The following ANKS1B variants were observed in gnomAD, a reference collection of about 807,000 sequenced individuals.
ANKS1B encodes ankyrin repeat and sterile alpha motif domain containing 1B.
A neutral mutation model predicts 148.3 loss-of-function variants in ANKS1B; 36 were observed. The ratio of observed to expected loss-of-function variants is 0.24; its 90% CI spans 0.19 to 0.32. The LOEUF (loss-of-function observed/expected upper bound fraction) is 0.32, where lower values mean the gene tolerates loss of function less well. ANKS1B is among the 10% of genes least tolerant of loss of function. The pLI is 1.00. For missense variants in ANKS1B, 1,157 were observed against 1,542.6 expected, an observed-to-expected ratio of 0.75 and a Z score of 4.19; for synonymous variants, 542 against 560.8, an observed-to-expected ratio of 0.97 and a Z score of 0.47.
intron 17 of ANKS1B, among the ~76,000 whole-genome samples, chr12:99,047,476 G>A (rs1482656058): frequency 6.6e-6 from 1 of 152,130 alleles, no homozygotes; most frequent in Non-Finnish European, 1.5e-5. Context: ...TCATATTTAA[G>A]AAGCTCAAAA....
chr12:98,985,587 C>A (rs902824164), intron 17 of ANKS1B, among the ~76,000 whole-genome samples: 12 of 151,272 alleles, frequency 7.9e-5, no homozygotes, highest in African/African-American at 2.7e-4. Flanking sequence ...CAAATAACAC[C>A]CTACTTCAAA....
rs113681372 is a variant in ANKS1B, at chr12:98,761,681, T to C, written c.3580-10159A>G. ...CAATCCGTTATGGAATGAGGCATGG[T>C]AGAAACACTGTCCATTTGTTCACTT... On this transcript the variant is annotated intron_variant, in intron 25 of 26. Transcript: ENST00000683438. Among the ~76,000 whole-genome samples, 570 of 152,362 alleles carry C rather than the reference T, an allele frequency of 3.7e-3. 2 individuals carry two copies. Among genetic ancestry groups the C allele is most frequent in the African/African-American group, 0.013 (548 of 41,582 alleles).
chr12:98,981,775 C>T (rs906384110), intron 17 of ANKS1B, among the ~76,000 whole-genome samples: 1 of 152,164 alleles, frequency 6.6e-6, no homozygotes, highest in African/African-American at 2.4e-5. Context: ...AATGATTAAT[C>T]ATAATTATCA....
downstream of ANKS1B, among the ~76,000 whole-genome samples, chr12:98,743,342 A>T (rs1194137947): frequency 6.7e-6 from 1 of 149,268 alleles, no homozygotes; most frequent in African/African-American, 2.4e-5. Context: ...AGGGTTCGTT[A>T]ACTCAGATTT....
At chr12:99,818,859 T>C (rs747403291) in intron 2 of ANKS1B, among the ~76,000 whole-genome samples, 3 of 151,846 alleles carry the variant, frequency 2.0e-5, no homozygotes, top group Non-Finnish European at 4.4e-5. Context: ...AAGATATAAA[T>C]ACACATCTGA....
At chr12:99,530,098 A>C (rs1868568992) in intron 9 of ANKS1B, among the ~76,000 whole-genome samples, 1 of 152,334 alleles carries the variant, frequency 6.6e-6, no homozygotes, top group South Asian at 2.1e-4. Flanking sequence ...GCAGCCACGT[A>C]CAATATGTAA....
chr12:99,813,920 G>A (rs1007245416), intron 2 of ANKS1B, among the ~76,000 whole-genome samples: 4 of 151,708 alleles, frequency 2.6e-5, no homozygotes, highest in Admixed American at 6.6e-5. Flanking sequence ...ATGATAATTC[G>A]ATCAACAACA....
chr12:99,453,197 G>A (rs1256355302), intron 10 of ANKS1B, among the ~76,000 whole-genome samples: 1 of 152,138 alleles, frequency 6.6e-6, no homozygotes, highest in Non-Finnish European at 1.5e-5. Flanking sequence ...GGCTGAGCCA[G>A]GAGAATGGTG....
intron 8 of ANKS1B, among the ~76,000 whole-genome samples, chr12:99,705,858 AC>A (rs2153528209): frequency 6.6e-6 from 1 of 152,252 alleles, no homozygotes; most frequent in South Asian, 2.1e-4. Flanking sequence ...TACCTGATAC[AC>A]ATAAACATGT....
rs1419756181 is a variant in ANKS1B at position 99,632,727 on chromosome 12, C to CTAGATATATATATA, written c.1272+22339_1272+22340insTATATATATATCTA. The stretch of plus-strand genomic sequence containing the variant: ...TTTGGCCTGTGTCTTCCTTTTCTTT[C>CTAGATATATATATA]TATATATATATATATATATATATAT... On this transcript the variant is annotated intron_variant, in intron 9 of 26. Transcript: ENST00000683438. Among the ~76,000 whole-genome samples the CTAGATATATATATA allele has an allele frequency of 5.1e-3, 199 of 39,032 alleles. 7 individuals are homozygous for CTAGATATATATATA. Among genetic ancestry groups the CTAGATATATATATA allele is most frequent in the South Asian group, 0.013 (14 of 1,096 alleles). 25.6% of individuals were successfully genotyped at this position (39,032 alleles called of 152,430 possible).
At chr12:99,046,485 T>C (rs2099962419) in intron 17 of ANKS1B, among the ~76,000 whole-genome samples, 3 of 152,178 alleles carry the variant, frequency 2.0e-5, no homozygotes, top group Admixed American at 6.5e-5. Flanking sequence ...GCATGTTTAA[T>C]AGAGACAGAA....
intron 1 of ANKS1B, among the ~76,000 whole-genome samples, chr12:99,898,352 A>G (rs774117707): frequency 6.6e-6 from 1 of 152,182 alleles, no homozygotes; most frequent in Non-Finnish European, 1.5e-5. Flanking sequence ...CCAGGCAATG[A>G]TAACCTTCTC....
rs200234486 is a variant in ANKS1B at position 99,844,435 on chromosome 12, TC to T, written c.135-19047del. 7.8e-3 allele frequency among the ~76,000 whole-genome samples: 1,195 copies of T among 152,246 alleles called. 15 individuals carry two copies. The highest frequency in any genetic ancestry group is 0.027 in the African/African-American group (1,129 of 41,528). On this transcript the variant is annotated intron_variant, in intron 1 of 26. Coordinates refer to ENST00000683438, the MANE Select transcript of ANKS1B (RefSeq NM_001352186.2). ...TTTTGTATAAAGTATAAGGAAGGGG[TC>T]CAGTTTCAATTTTCTGCATATAGCT...
chr12:99,283,860 C>T (rs375958474), intron 12 of ANKS1B, among the ~76,000 whole-genome samples: 1 of 152,224 alleles, frequency 6.6e-6, no homozygotes, highest in South Asian at 2.1e-4. Flanking sequence ...TAATACCCTG[C>T]CACAATCTCC....
chr12:99,609,382 T>C (rs1219953483), intron 9 of ANKS1B, among the ~76,000 whole-genome samples: 1 of 151,616 alleles, frequency 6.6e-6, no homozygotes, highest in Non-Finnish European at 1.5e-5. Flanking sequence ...ACTTAACCAG[T>C]GATGAGAGAG....
intron 2 of ANKS1B, among the ~76,000 whole-genome samples, chr12:99,818,054 T>C (rs2082088843): frequency 6.6e-6 from 1 of 151,728 alleles, no homozygotes; most frequent in African/African-American, 2.4e-5. Context: ...GGATTAAATA[T>C]TTACATCTAA....
chr12:98,873,353 G>A (rs1384195812), intron 17 of ANKS1B, among the ~76,000 whole-genome samples: 1 of 152,146 alleles, frequency 6.6e-6, no homozygotes, highest in Non-Finnish European at 1.5e-5. Context: ...TTAAGTGTTT[G>A]TTGAATGAAT....
intron 10 of ANKS1B, among the ~76,000 whole-genome samples, chr12:99,488,089 C>T (rs1003561989): frequency 3.9e-5 from 6 of 151,926 alleles, no homozygotes; most frequent in Middle Eastern, 3.4e-3. Context: ...ATAAAGTATT[C>T]CTCTTTATCC....
chr12:98,791,300 G>A (rs900133580), intron 22 of ANKS1B, among the ~76,000 whole-genome samples: 3 of 151,470 alleles, frequency 2.0e-5, no homozygotes, highest in African/African-American at 7.3e-5. Context: ...AGCCAAGATT[G>A]GGCCACTGCA....
Sources: allele counts gnomAD v4.1 joint callset (sites outside exome capture counted in the v4.1 genomes callset), GRCh38; gene constraint gnomAD v4.1.1; transcripts MANE v1.5; gene names NCBI Gene and HGNC (gene_info 2026-07-23, HGNC 2026-07-21).